The following LRCH1 variants were observed in gnomAD, a reference collection of about 807,000 sequenced individuals.
The protein encoded by LRCH1 is leucine rich repeats and calponin homology domain containing 1.
In LRCH1, 23 loss-of-function variants were observed where a neutral mutation model predicts 94.9. The ratio of observed to expected loss-of-function variants is 0.24; its 90% CI spans 0.17 to 0.34. The LOEUF (loss-of-function observed/expected upper bound fraction) is 0.34. Ranked by LOEUF, LRCH1 falls within the 10% of genes least tolerant of loss-of-function variation. The pLI is 1.00. For missense variants in LRCH1, 790 were observed against 945.9 expected (o/e 0.84, Z 2.16); for synonymous variants, 364 against 354.9 (o/e 1.03, Z -0.29).
chr13:46,559,025 C>G (rs1230236084), intron 1 of LRCH1, among the ~76,000 whole-genome samples: 1 of 152,198 alleles, frequency 6.6e-6, no homozygotes, highest in Non-Finnish European at 1.5e-5. Flanking sequence ...GGTTTTATCT[C>G]TTGAAGGCTG....
At chr13:46,657,056 GGTTTT>G (rs2051377860) in intron 2 of LRCH1, among the ~76,000 whole-genome samples, 1 of 151,998 alleles carries the variant, frequency 6.6e-6, no homozygotes, top group South Asian at 2.1e-4. Flanking sequence ...AGAATGTGTT[GGTTTT>G]GTTTTCAGTT....
chr13:46,697,332 T>G, intron 9 of LRCH1, among the ~76,000 whole-genome samples: 1 of 152,340 alleles, frequency 6.6e-6, no homozygotes, highest in East Asian at 1.9e-4. Flanking sequence ...GATACCTTAT[T>G]TAATATATAT....
In LRCH1 at chr13:46,689,289, A is replaced by T; in HGVS notation, c.1014+93A>T. The T allele has an allele frequency of 5.8e-6, 5 of 858,532 alleles. No individual in the cohort carries two copies. In the South Asian group the frequency reaches 8.8e-5, roughly 15 times the overall value. The allele number at this position is 858,532 out of a possible 1,614,324, so 53.2% of individuals were successfully genotyped here. A position where few individuals can be genotyped will look rare whatever the true frequency, so the allele number is the denominator to read the frequency against. ...CCTTTCTGTTAAAGGGCATCGATTC[A>T]TTTGTATATTCATGTGATATTCGTA... is the stretch of plus-strand genomic sequence containing the variant. On this transcript the variant is annotated intron_variant, in intron 7 of 19. Transcript: ENST00000389797.
chr13:46,567,967 C>T (rs2050202841), intron 1 of LRCH1, among the ~76,000 whole-genome samples: 1 of 152,146 alleles, frequency 6.6e-6, no homozygotes, highest in South Asian at 2.1e-4. Context: ...CAGCCTTGGT[C>T]TTTCTCAAGT....
At chr13:46,634,602 C>T (rs2051060149) in intron 1 of LRCH1, among the ~76,000 whole-genome samples, 1 of 152,244 alleles carries the variant, frequency 6.6e-6, no homozygotes, top group Non-Finnish European at 1.5e-5. Flanking sequence ...CAGCTCAATG[C>T]CTCTTTGAAG....
chr13:46,639,737 C>CA (rs2051136407), intron 1 of LRCH1, among the ~76,000 whole-genome samples: 1 of 152,206 alleles, frequency 6.6e-6, no homozygotes, highest in Non-Finnish European at 1.5e-5. Flanking sequence ...GATCCCTGTC[C>CA]TAGGCAGAGT....
At chr13:46,658,086 T>C (rs1209917888) in intron 2 of LRCH1, among the ~76,000 whole-genome samples, 2 of 152,200 alleles carry the variant, frequency 1.3e-5, no homozygotes, top group Admixed American at 6.5e-5. Flanking sequence ...TTCATAATTA[T>C]GAAAATAGTT....
At chr13:46,660,818 G>C (rs1334210940) in intron 2 of LRCH1, among the ~76,000 whole-genome samples, 1 of 152,106 alleles carries the variant, frequency 6.6e-6, no homozygotes, top group Non-Finnish European at 1.5e-5. Context: ...CTTTGACTCA[G>C]TTGAGCACTA....
intron 17 of LRCH1, among the ~76,000 whole-genome samples, chr13:46,727,926 T>C (rs117586618): frequency 3.5e-4 from 52 of 149,924 alleles, no homozygotes; most frequent in South Asian, 6.4e-4. Flanking sequence ...TCTTTCTTTT[T>C]TTTTTTTTGA....
chr13:46,725,726 A>T (rs565436904), intron 17 of LRCH1, among the ~76,000 whole-genome samples: 25 of 152,280 alleles, frequency 1.6e-4, no homozygotes, highest in African/African-American at 6.0e-4. Context: ...AAACAAAAAA[A>T]CCTCTTACCA....
intron 19 of LRCH1, among the ~76,000 whole-genome samples, chr13:46,741,164 A>G (rs994213132): frequency 6.6e-6 from 1 of 152,232 alleles, no homozygotes; most frequent in Non-Finnish European, 1.5e-5. Context: ...TAACTTTCAG[A>G]GAGAACTACT....
intron 1 of LRCH1, among the ~76,000 whole-genome samples, 181 bp downstream of exon 1, chr13:46,553,884 A>C (rs903860124): frequency 1.1e-4 from 16 of 152,180 alleles, no homozygotes; most frequent in African/African-American, 3.6e-4. Context: ...TGGAGAGGGC[A>C]CGGGGGCCCT....
chr13:46,751,101 A>G (rs1422683796), exon 19 of LRCH1: 3 of 152,422 alleles, frequency 2.0e-5, no homozygotes, highest in East Asian at 3.9e-4. Flanking sequence ...ATTGCCTTTT[A>G]AAAAACTATT....
At chr13:46,752,612 A>G (rs1166709172) in exon 19 of LRCH1, 1 of 152,244 alleles carries the variant, frequency 6.6e-6, no homozygotes, top group Non-Finnish European at 1.5e-5. Context: ...AAGAGTGTAT[A>G]CAATTTAAGC....
intron 2 of LRCH1, among the ~76,000 whole-genome samples, chr13:46,665,465 A>G (rs1420978233): frequency 6.6e-6 from 1 of 152,240 alleles, no homozygotes; most frequent in African/African-American, 2.4e-5. Context: ...TGTTTAGATT[A>G]TATTGAGCTG....
intron 16 of LRCH1, among the ~76,000 whole-genome samples, chr13:46,722,705 G>A (rs1872639757): frequency 6.6e-6 from 1 of 152,188 alleles, no homozygotes; most frequent in South Asian, 2.1e-4. Context: ...CAGTCTAGAA[G>A]GCAGAATGTT....
At chr13:46,617,168 G>A (rs1192283273) in intron 1 of LRCH1, among the ~76,000 whole-genome samples, 1 of 152,214 alleles carries the variant, frequency 6.6e-6, no homozygotes, top group South Asian at 2.1e-4. Context: ...GATAGCCTGT[G>A]TCAGGTCTGA....
intron 8 of LRCH1, among the ~76,000 whole-genome samples, chr13:46,693,189 G>A (rs963012198): frequency 2.0e-5 from 3 of 152,060 alleles, no homozygotes; most frequent in African/African-American, 7.2e-5. Flanking sequence ...AGATATATTA[G>A]TTAGGAAAAC....
At chr13:46,713,857 G>A (rs1227370782) in intron 15 of LRCH1, among the ~76,000 whole-genome samples, 2 of 152,120 alleles carry the variant, frequency 1.3e-5, no homozygotes, top group Admixed American at 6.5e-5. Context: ...TATTTTACAC[G>A]CTGAGGACCT....
Sources: allele counts gnomAD v4.1 joint callset (sites outside exome capture counted in the v4.1 genomes callset), GRCh38; gene constraint gnomAD v4.1.1; transcripts MANE v1.5; gene names NCBI Gene and HGNC (gene_info 2026-07-23, HGNC 2026-07-21).